Variants in BANK1 observed in about 807,000 individuals in gnomAD.
BANK1 encodes B-cell scaffold protein with ankyrin repeats.
Under a neutral mutation model 94.5 loss-of-function variants are expected in BANK1, and 95 were observed. The observed-to-expected ratio is 1.00, with a 90% CI of 0.85 to 1.19. The LOEUF is 1.19. BANK1 is among the 50% of genes most tolerant of loss of function. The pLI is 0.00. For missense variants in BANK1, 987 were observed against 932.2 expected (o/e 1.06, Z -0.77); for synonymous variants, 334 against 308.4 (o/e 1.08, Z -0.87).
chr4:101,892,837 A>G (rs994342733), intron 5 of BANK1, among the ~76,000 whole-genome samples: 1 of 152,008 alleles, frequency 6.6e-6, no homozygotes, highest in Non-Finnish European at 1.5e-5. Flanking sequence ...TTTAGAAAGG[A>G]TACATATTGT....
At chr4:101,918,791 A>G (rs1722912102) in intron 7 of BANK1, among the ~76,000 whole-genome samples, 1 of 151,972 alleles carries the variant, frequency 6.6e-6, no homozygotes. Context: ...GATATAGAAT[A>G]TGTAAATCCT....
intron 3 of BANK1, among the ~76,000 whole-genome samples, chr4:101,861,629 A>C (rs1727879380): frequency 6.6e-6 from 1 of 152,084 alleles, no homozygotes; most frequent in Admixed American, 6.6e-5. Context: ...TTTTCCTAAA[A>C]GAGAAAAAGA....
At chr4:102,031,068 C>T (rs1727290829) in intron 10 of BANK1, among the ~76,000 whole-genome samples, 1 of 152,140 alleles carries the variant, frequency 6.6e-6, no homozygotes, top group South Asian at 2.1e-4. Context: ...AGTGTAAAAG[C>T]ATCCCTGTTT....
intron 7 of BANK1, among the ~76,000 whole-genome samples, chr4:101,989,191 T>C (rs886067442): frequency 6.6e-6 from 1 of 151,944 alleles, no homozygotes; most frequent in African/African-American, 2.4e-5. Flanking sequence ...ATGCCTGTAA[T>C]CCCAGCACTT....
chr4:101,985,241 C>A (rs1725443875), intron 7 of BANK1, among the ~76,000 whole-genome samples: 1 of 152,144 alleles, frequency 6.6e-6, no homozygotes, highest in African/African-American at 2.4e-5. Context: ...AGAATACTTT[C>A]TTGTTCAGCC....
chr4:101,893,387 C>A (rs911244955), intron 5 of BANK1, among the ~76,000 whole-genome samples: 4 of 151,882 alleles, frequency 2.6e-5, no homozygotes, highest in African/African-American at 9.7e-5. Flanking sequence ...AATCTCTACC[C>A]ACTAGATTTT....
At chr4:101,871,442 A>T (rs2148881470) in intron 5 of BANK1, among the ~76,000 whole-genome samples, 1 of 152,170 alleles carries the variant, frequency 6.6e-6, no homozygotes, top group Non-Finnish European at 1.5e-5. Flanking sequence ...ATGATAATGT[A>T]GCTGACAAGT....
At chr4:102,029,698 T>C (rs1727221764) in intron 9 of BANK1, among the ~76,000 whole-genome samples, 1 of 151,756 alleles carries the variant, frequency 6.6e-6, no homozygotes. Flanking sequence ...AGCACATGGA[T>C]TTTTTTACTA....
chr4:101,840,680 C>A (rs1228269030), intron 2 of BANK1, among the ~76,000 whole-genome samples: 2 of 152,210 alleles, frequency 1.3e-5, no homozygotes, highest in African/African-American at 4.8e-5. Context: ...AAACAATGCT[C>A]ATCACTGGCT....
intron 5 of BANK1, among the ~76,000 whole-genome samples, chr4:101,871,858 T>A (rs1457491227): frequency 6.6e-6 from 1 of 152,174 alleles, no homozygotes; most frequent in Non-Finnish European, 1.5e-5. Context: ...CTTTCTGTTG[T>A]GGGTGGGGAT....
chr4:101,876,611 A>G (rs968659914), intron 5 of BANK1, among the ~76,000 whole-genome samples: 1 of 152,204 alleles, frequency 6.6e-6, no homozygotes, highest in African/African-American at 2.4e-5. Context: ...GAAGGCTTCA[A>G]TAAATACCTA....
At chr4:101,847,945 C>A (rs913148088) in intron 2 of BANK1, among the ~76,000 whole-genome samples, 3 of 152,136 alleles carry the variant, frequency 2.0e-5, no homozygotes, top group African/African-American at 7.2e-5. Context: ...TGGAGTTTTA[C>A]CCCCTGCTCC....
Position 102,073,624 on chromosome 4 carries a change from T to C in BANK1, c.2299-60T>C, listed in dbSNP as rs1466777932. 6 of 1,496,744 alleles carry C rather than the reference T, an allele frequency of 4.0e-6. No individual in the cohort carries two copies. In the South Asian group the frequency reaches 6.0e-5, roughly 15 times the overall value. The allele number at this position is 1,496,744 out of a possible 1,614,324, so 92.7% of individuals were successfully genotyped here. A position where few individuals can be genotyped will look rare whatever the true frequency, so the allele number is the denominator to read the frequency against. On this transcript the variant is annotated intron_variant, in intron 15 of 16. Coordinates refer to ENST00000322953, the MANE Select transcript of BANK1 (RefSeq NM_017935.5). Reference sequence around the variant, plus strand: ...CTATAACTTTGTCATATTTCTTTGTTCAACCTTAAAATAGGGACAAATCGA... The same window carrying C: ...CTATAACTTTGTCATATTTCTTTGTCCAACCTTAAAATAGGGACAAATCGA...
chr4:102,063,224 C>A, intron 13 of BANK1, 86 bp downstream of exon 13: 1 of 1,201,556 alleles, frequency 8.3e-7, no homozygotes, highest in Middle Eastern at 1.9e-4. Flanking sequence ...GGCCTGAGTT[C>A]AAATCTAAAC....
At chr4:101,984,151 T>C (rs1476428161) in intron 7 of BANK1, among the ~76,000 whole-genome samples, 1 of 151,980 alleles carries the variant, frequency 6.6e-6, no homozygotes, top group Non-Finnish European at 1.5e-5. Context: ...TAAAATACTA[T>C]GTAAGGCTTA....
intron 7 of BANK1, among the ~76,000 whole-genome samples, chr4:101,967,031 C>T (rs181407614): frequency 2.8e-4 from 42 of 152,186 alleles, no homozygotes; most frequent in South Asian, 6.2e-4. Flanking sequence ...TAGTTTTACT[C>T]GTTAGTCCAA....
chr4:102,037,377 T>A (rs1297301149), intron 10 of BANK1, among the ~76,000 whole-genome samples: 2 of 152,256 alleles, frequency 1.3e-5, no homozygotes. Context: ...TAGAGAATGA[T>A]TATTTATAGA....
At chr4:101,851,742 G>GGGAA (rs1727484952) in intron 2 of BANK1, among the ~76,000 whole-genome samples, 1 of 152,096 alleles carries the variant, frequency 6.6e-6, no homozygotes, top group African/African-American at 2.4e-5. Context: ...TGTTGTCTTT[G>GGGAA]GGAAGGGTGG....
chr4:101,796,297 T>C (rs1230619313), intron 1 of BANK1, among the ~76,000 whole-genome samples: 1 of 152,154 alleles, frequency 6.6e-6, no homozygotes, highest in African/African-American at 2.4e-5. Flanking sequence ...AATTTCTCCT[T>C]ACATGAACTA....
Sources: allele counts gnomAD v4.1 joint callset (sites outside exome capture counted in the v4.1 genomes callset), GRCh38; gene constraint gnomAD v4.1.1; transcripts MANE v1.5; gene names NCBI Gene and HGNC (gene_info 2026-07-23, HGNC 2026-07-21).